Variants in PTDSS2 observed in about 807,000 individuals in gnomAD.
PTDSS2 encodes PSS-2.
PTDSS2 carries 41 observed loss-of-function variants against 64.7 expected under a neutral mutation model. The ratio of observed to expected loss-of-function variants is 0.63; its 90% confidence interval spans 0.49 to 0.82. The LOEUF is 0.82. Ranked by LOEUF, PTDSS2 falls within the 40% of genes least tolerant of loss-of-function variation. The probability of loss-of-function intolerance (pLI) is 0.00; values close to 1 mark genes in which losing one functional copy is unlikely to be tolerated. For missense variants in PTDSS2, 485 were observed against 650.0 expected (o/e 0.75, Z 2.76); for synonymous variants, 297 against 277.8 (o/e 1.07, Z -0.69).
intron 2 of PTDSS2, among the ~76,000 whole-genome samples, chr11:472,008 CGCGGATGGCGGCCTGGGGTGAT>C: frequency 7.6e-6 from 1 of 131,350 alleles, no homozygotes; most frequent in Non-Finnish European, 1.6e-5. Flanking sequence ...CCTGGGGTGA[CGCGGATGGCGGCCTGGGGTGAT>C]GCGCGCCTGT....
chr11:467,896 G>A (rs751233890), intron 2 of PTDSS2, among the ~76,000 whole-genome samples: 8 of 152,166 alleles, frequency 5.3e-5, no homozygotes, highest in Non-Finnish European at 7.3e-5. Flanking sequence ...CAGCAGTTTG[G>A]GAGGCTGAGG....
Position 467,875 on chromosome 11 carries a change from G to A in PTDSS2, c.285-6020G>A, listed in dbSNP as rs527366473. Among the ~76,000 whole-genome samples the A allele has an allele frequency of 4.6e-5, 7 of 152,276 alleles. No homozygotes were observed. The South Asian group carries it at 6.2e-4, about 14-fold the overall frequency. ...ATGCAGGCCAGGCATGGTGGCTCACGCTTATAATCCCAGCAGTTTGGGAGG... is the reference window on the plus strand; with the variant it reads ...ATGCAGGCCAGGCATGGTGGCTCACACTTATAATCCCAGCAGTTTGGGAGG... On this transcript the variant is annotated intron_variant, in intron 2 of 11. Coordinates refer to ENST00000308020, the MANE Select transcript of PTDSS2 (RefSeq NM_030783.3).
chr11:450,824 G>A (rs1315294083), intron 1 of PTDSS2, among the ~76,000 whole-genome samples, 187 bp downstream of exon 1: 1 of 152,050 alleles, frequency 6.6e-6, no homozygotes, highest in Non-Finnish European at 1.5e-5. Flanking sequence ...AGCTCCCGAC[G>A]CCGGGTCGGG....
chr11:482,589 TAAGCATGAGCCACTGTGCCTGGCCAG>T (rs1848120776), intron 4 of PTDSS2, among the ~76,000 whole-genome samples: 3 of 152,198 alleles, frequency 2.0e-5, no homozygotes, highest in African/African-American at 7.2e-5. Context: ...GCTGGGAGTA[TAAGCATGAGCCACTGTGCCTGGCCAG>T]ATGGACATTC....
At chr11:468,083 T>C (rs1278932748) in intron 2 of PTDSS2, among the ~76,000 whole-genome samples, 1 of 152,110 alleles carries the variant, frequency 6.6e-6, no homozygotes, top group Admixed American at 6.5e-5. Flanking sequence ...GAGCTGTGAT[T>C]GAGCCACTGC....
intron 1 of PTDSS2, among the ~76,000 whole-genome samples, chr11:455,391 C>T (rs936067000): frequency 6.6e-6 from 1 of 152,206 alleles, no homozygotes; most frequent in Non-Finnish European, 1.5e-5. Flanking sequence ...TCACAGCAGG[C>T]TCCTGTCCCG....
chr11:484,780 G>GAC (rs1848230360), intron 4 of PTDSS2, among the ~76,000 whole-genome samples: 1 of 144,284 alleles, frequency 6.9e-6, no homozygotes, highest in African/African-American at 2.6e-5. Context: ...TGTGTGTGCT[G>GAC]TGCGCAGGCG....
chr11:490,119 C>T, intron 11 of PTDSS2, 51 bp downstream of exon 11: 1 of 1,535,098 alleles, frequency 6.5e-7, no homozygotes, highest in South Asian at 1.2e-5. Flanking sequence ...CTGTCCGGGT[C>T]CCTTGGCACA....
intron 3 of PTDSS2, among the ~76,000 whole-genome samples, chr11:477,967 C>A (rs937860534): frequency 6.6e-6 from 1 of 152,334 alleles, no homozygotes; most frequent in Admixed American, 6.5e-5. Context: ...CCAATGATGG[C>A]GGCTTTTCAT....
intron 2 of PTDSS2, among the ~76,000 whole-genome samples, chr11:469,828 G>A (rs886505742): frequency 3.3e-5 from 5 of 152,084 alleles, no homozygotes; most frequent in Non-Finnish European, 4.4e-5. Context: ...AGGATCAGCT[G>A]ATCCTGGCAG....
intron 4 of PTDSS2, among the ~76,000 whole-genome samples, chr11:485,337 G>A (rs1293716313): frequency 1.5e-5 from 2 of 137,916 alleles, no homozygotes; most frequent in Non-Finnish European, 3.1e-5. Flanking sequence ...GCACGAGCGC[G>A]TGTGTGCTCA....
chr11:449,049 C>T (rs945343914), upstream of PTDSS2, among the ~76,000 whole-genome samples: 1 of 149,884 alleles, frequency 6.7e-6, no homozygotes, highest in East Asian at 2.0e-4. Context: ...TCTCCTGTGA[C>T]TGGCTTCTTT....
intron 2 of PTDSS2, among the ~76,000 whole-genome samples, chr11:464,123 T>G (rs1177808764): frequency 2.0e-5 from 3 of 151,940 alleles, no homozygotes; most frequent in African/African-American, 7.3e-5. Context: ...GCTGGGACTA[T>G]AGCCGTGCAC....
chr11:464,870 C>T (rs187420302), intron 2 of PTDSS2, among the ~76,000 whole-genome samples: 3 of 152,292 alleles, frequency 2.0e-5, no homozygotes, highest in African/African-American at 7.2e-5. Context: ...ACTTGTAATA[C>T]ATATAAAACA....
intron 2 of PTDSS2, among the ~76,000 whole-genome samples, chr11:466,428 C>G (rs1029527575): frequency 5.4e-5 from 7 of 128,856 alleles, no homozygotes; most frequent in Non-Finnish European, 9.5e-5. Flanking sequence ...TTTTTTGAGA[C>G]AGAGTATTGC....
rs1479313636 is a variant in PTDSS2, at chr11:476,792, T to G, written c.368-2293T>G. On this transcript the variant is annotated intron_variant, in intron 3 of 11. Transcript: ENST00000308020. This position sits in a 1 kb window ranked among gnomAD's most constrained non-coding sequence, Gnocchi z 4.9. ...GACTGGGGGTTCCTGGGGTGTTCAG[T>G]TTTTAGTCTGAGCTCTGCTCTACCT... Among the ~76,000 whole-genome samples, 2 of 152,092 alleles carry G rather than the reference T, an allele frequency of 1.3e-5. No individual in the cohort carries two copies. Among genetic ancestry groups the G allele is most frequent in the African/African-American group, 4.8e-5 (2 of 41,406 alleles).
intron 1 of PTDSS2, among the ~76,000 whole-genome samples, chr11:458,479 A>C (rs1285591583): frequency 7.0e-6 from 1 of 142,052 alleles, no homozygotes; most frequent in Non-Finnish European, 1.5e-5. Flanking sequence ...TGCTGGGATT[A>C]TAGGCGTGAG....
rs1310869328 is a variant in PTDSS2 at position 476,932 on chromosome 11, TGGG to T, written c.368-2150_368-2148del. Among the ~76,000 whole-genome samples, 1 of 151,298 alleles carries T rather than the reference TGGG, an allele frequency of 6.6e-6. No individual in the cohort carries two copies. ...CCTTCTTCCACGCGTCTTGTTAACT[TGGG>T]GGCCGGCAGGGAGCCCTCAACTCTC... On this transcript the variant is annotated intron_variant, in intron 3 of 11. Transcript: ENST00000308020. The surrounding 1 kb of genome is among the most constrained non-coding windows in gnomAD (Gnocchi z 4.9).
chr11:482,040 G>C (rs1039882846), intron 4 of PTDSS2, among the ~76,000 whole-genome samples: 3 of 151,390 alleles, frequency 2.0e-5, no homozygotes, highest in Non-Finnish European at 2.9e-5. Flanking sequence ...GTAGAGACAG[G>C]GTTTCTCCAT....
Sources: gnomAD v4.1 joint callset for allele counts (sites outside exome capture counted in the v4.1 genomes callset) on GRCh38, gnomAD v4.1.1 for gene constraint, Gnocchi (gnomAD v3.1) non-coding constraint, MANE v1.5 for transcripts, NCBI Gene and HGNC (gene_info 2026-07-23, HGNC 2026-07-21) for gene names.